Variants in WDR33 observed in about 807,000 individuals in gnomAD.
The protein encoded by WDR33 is WD repeat domain 33, also known as pre-mRNA 3' end processing protein WDR33.
Under a neutral mutation model 164.9 loss-of-function variants are expected in WDR33, and 47 were observed. The observed-to-expected ratio is 0.29, with a 90% CI of 0.23 to 0.36. The LOEUF is 0.36. Among genes scored for constraint, WDR33 ranks in the 10% least tolerant of loss-of-function variants. The pLI is 1.00. For synonymous variants in WDR33, 505 were observed against 589.0 expected (o/e 0.86, Z 2.06); for missense variants, 1,137 against 1,754.1 (o/e 0.65, Z 6.28).
In WDR33 at chr2:127,702,313, C is replaced by G; in HGVS notation, c.*4010G>C. 1.1e-6 allele frequency: 1 copy of G among 932,344 alleles called. No individual in the cohort carries two copies. Among genetic ancestry groups the G allele is most frequent in the Non-Finnish European group, 1.4e-6 (1 of 725,722 alleles). The allele number at this position is 932,344 out of a possible 1,614,324, so 57.8% of individuals were successfully genotyped here. On this transcript the variant is annotated 3_prime_UTR_variant, in exon 22 of 22. Coordinates refer to ENST00000322313, the MANE Select transcript of WDR33 (RefSeq NM_018383.5). The stretch of plus-strand genomic sequence containing the variant: ...TGCCCTAACAGCCTGCGAGTCTAAT[C>G]CGGGAGCGGCTGCTGCCAGCGGAGG...
At chr2:127,781,160 G>A (rs1426259706) in intron 1 of WDR33, among the ~76,000 whole-genome samples, 7 of 152,128 alleles carry the variant, frequency 4.6e-5, no homozygotes, top group East Asian at 1.9e-4. Context: ...CACCATGCCC[G>A]GCCCAATTAA....
chr2:127,720,112 T>C lies in WDR33; in HGVS notation c.1913A>G (p.Gln638Arg). ...PPGPQGQMGPQGPPLHQGGGG... is the reference protein window; with the variant it reads ...PPGPQGQMGPRGPPLHQGGGG... ...ACCTCCCTGATGCAGTGGAGGACCT[T>C]GTGGTCCCATTTGTCCCTGGGGTCC... The change falls in exon 16 of 22, where the codon CAA (glutamine) becomes CGA (arginine). Residue 638 changes from glutamine to arginine, a missense_variant. By Grantham distance (43) the Gln-to-Arg change is conservative. Coordinates refer to ENST00000322313, the MANE Select transcript of WDR33 (RefSeq NM_018383.5). This position sits in a 1 kb window ranked among gnomAD's most constrained non-coding sequence, Gnocchi z 5.9. 6.2e-7 allele frequency: 1 copy of C among 1,614,076 alleles called. No individual in the cohort carries two copies. The highest frequency in any genetic ancestry group is 8.5e-7 in the Non-Finnish European group (1 of 1,179,998).
intron 1 of WDR33, among the ~76,000 whole-genome samples, chr2:127,788,356 C>T (rs1293283482): frequency 6.2e-5 from 7 of 113,710 alleles, no homozygotes; most frequent in Non-Finnish European, 1.1e-4. Flanking sequence ...CTCCTCACTT[C>T]CCAGTAGGGG....
rs1686234855 is a variant in WDR33 at position 127,713,714 on chromosome 2, C to T, written c.3177G>A (p.Arg1059=). Residue 1059 remains arginine, a synonymous_variant, in exon 18 of 22, where the codon AGG becomes AGA. Coordinates refer to ENST00000322313, the MANE Select transcript of WDR33 (RefSeq NM_018383.5). This position sits in a 1 kb window ranked among gnomAD's most constrained non-coding sequence, Gnocchi z 6.2. The part of the protein sequence containing the change: ...GPGPPFPPDH[R]EFSEGDGRGA... Reference sequence around the variant, plus strand: ...CCCGGCCATCCCCCTCGCTGAATTCCCTGTGATCAGGGGGAAACGGAGGCC... The same window carrying T: ...CCCGGCCATCCCCCTCGCTGAATTCTCTGTGATCAGGGGGAAACGGAGGCC... The T allele has an allele frequency of 6.2e-7, 1 of 1,614,234 alleles. No homozygotes were observed. Among genetic ancestry groups the T allele is most frequent in the Non-Finnish European group, 8.5e-7 (1 of 1,180,014 alleles).
chr2:127,807,543 A>T (rs1424210860), intron 1 of WDR33, among the ~76,000 whole-genome samples: 1 of 152,202 alleles, frequency 6.6e-6, no homozygotes, highest in Non-Finnish European at 1.5e-5. Flanking sequence ...TCACACAGAC[A>T]CTAGACTAAC....
At chr2:127,777,207 C>T (rs1688215848) in intron 1 of WDR33, among the ~76,000 whole-genome samples, 1 of 152,160 alleles carries the variant, frequency 6.6e-6, no homozygotes, top group African/African-American at 2.4e-5. Context: ...TATACATAAA[C>T]CTTCAATGTT....
rs1686583850 is a variant in WDR33, at chr2:127,726,879, C to G, written c.725-102G>C. ...TAGTAAATGTTTTGCTCTCAGTGCT[C>G]AGTCAACTTAAAACTTGTTTTGTGA... On this transcript the variant is annotated intron_variant, in intron 7 of 21. Transcript: ENST00000322313. This position sits in a 1 kb window ranked among gnomAD's most constrained non-coding sequence, Gnocchi z 4.8. 6 of 1,473,572 alleles carry G rather than the reference C, an allele frequency of 4.1e-6. No individual in the cohort carries two copies. In the East Asian group the frequency reaches 1.4e-4, roughly 34 times the overall value. 91.3% of individuals were successfully genotyped at this position (1,473,572 alleles called of 1,614,324 possible). A position where few individuals can be genotyped will look rare whatever the true frequency, so the allele number is the denominator to read the frequency against.
Position 127,706,532 on chromosome 2 carries a change from C to A in WDR33, c.3802G>T (p.Ala1268Ser). 2 of 1,610,668 alleles carry A rather than the reference C, an allele frequency of 1.2e-6. No individual in the cohort carries two copies. The highest frequency in any genetic ancestry group is 1.3e-5 in the African/African-American group (1 of 74,876). The change falls in exon 22 of 22, where the codon GCT becomes TCT. Residue 1268 changes from alanine to serine, a missense_variant. Ala to Ser is a moderately conservative substitution (Grantham distance 99). Around this residue, in one of 9 missense-constraint regions of WDR33, gnomAD observed 867 missense variants for 1,073.0 expected, o/e 0.81. Coordinates refer to ENST00000322313, the MANE Select transcript of WDR33 (RefSeq NM_018383.5). The surrounding 1 kb of genome is among the most constrained non-coding windows in gnomAD (Gnocchi z 5.1). Reference sequence around the variant, plus strand: ...CGCCCAGATTTGGGCACTCTCTGAGCAGGTCCTGGGCCCCCTCGGCCTGAA... The same window carrying A: ...CGCCCAGATTTGGGCACTCTCTGAGAAGGTCCTGGGCCCCCTCGGCCTGAA... ...GGKGRGGPGP[A>S]QRVPKSGRSS...
intron 7 of WDR33, among the ~76,000 whole-genome samples, chr2:127,752,172 T>C (rs1687386867): frequency 6.6e-6 from 1 of 152,238 alleles, no homozygotes; most frequent in Non-Finnish European, 1.5e-5. Flanking sequence ...ACCAGAGCTA[T>C]CACTTGTTCA....
rs1686102406 is a variant in WDR33 at position 127,709,539 on chromosome 2, G to T, written c.3516C>A (p.Arg1172=). The T allele has an allele frequency of 1.9e-6, 3 of 1,613,994 alleles. No homozygotes were observed. The highest frequency in any genetic ancestry group is 2.7e-5 in the African/African-American group (2 of 74,922). The change falls in exon 20 of 22, where the codon CGC becomes CGA. Residue 1172 remains arginine (R), a synonymous_variant. Coordinates refer to ENST00000322313, the MANE Select transcript of WDR33 (RefSeq NM_018383.5). This position sits in a 1 kb window ranked among gnomAD's most constrained non-coding sequence, Gnocchi z 5.0. ...AATCTGGCTTCCGCCCTCCTTCAAAGCGAGGGAACTCGTCAGGAGTGGGAA... is the reference window on the plus strand; with the variant it reads ...AATCTGGCTTCCGCCCTCCTTCAAATCGAGGGAACTCGTCAGGAGTGGGAA... ...GLLPTPDEFP[R]FEGGRKPDSW... is the part of the protein sequence containing the mutation.
At chr2:127,757,077 C>CAA (rs11381814) in intron 7 of WDR33, among the ~76,000 whole-genome samples, 1,611 of 85,038 alleles carry the variant, frequency 0.019, 40 homozygotes, top group African/African-American at 0.061. Context: ...AACCTGTCTC[C>CAA]AAAAAAAAAA....
intron 1 of WDR33, among the ~76,000 whole-genome samples, chr2:127,778,622 C>T (rs112099888): frequency 6.6e-6 from 1 of 152,050 alleles, no homozygotes; most frequent in Non-Finnish European, 1.5e-5. Flanking sequence ...GACACTACTA[C>T]GCTGTGTGAG....
chr2:127,791,211 G>T (rs1688835980), intron 1 of WDR33, among the ~76,000 whole-genome samples: 1 of 94,930 alleles, frequency 1.1e-5, no homozygotes, highest in Non-Finnish European at 2.0e-5. Flanking sequence ...CAGGCTGCAA[G>T]ACAGTGGCAC....
chr2:127,778,614 C>T (rs1387217971), intron 1 of WDR33, among the ~76,000 whole-genome samples: 4 of 152,076 alleles, frequency 2.6e-5, no homozygotes, highest in African/African-American at 9.7e-5. Context: ...TACACTGAGA[C>T]ACTACTACGC....
At chr2:127,778,819 C>G (rs1416762191) in intron 1 of WDR33, among the ~76,000 whole-genome samples, 1 of 152,148 alleles carries the variant, frequency 6.6e-6, no homozygotes, top group Non-Finnish European at 1.5e-5. Flanking sequence ...TTTTCCCCAA[C>G]CAAACATAAT....
intron 7 of WDR33, among the ~76,000 whole-genome samples, chr2:127,730,415 C>T (rs1009688521): frequency 1.3e-5 from 2 of 151,288 alleles, no homozygotes; most frequent in African/African-American, 4.9e-5. Context: ...ATATTTAGAT[C>T]CAGAGGAATA....
intron 3 of WDR33, 46 bp downstream of exon 3, chr2:127,768,887 A>C: frequency 6.9e-7 from 1 of 1,452,508 alleles, no homozygotes; most frequent in South Asian, 1.2e-5. Flanking sequence ...AAAATATTCA[A>C]GCAAGGAAGT....
chr2:127,709,777 A>G lies in WDR33; in HGVS notation c.3388T>C (p.Phe1130Leu). 1 of 1,614,140 alleles carries G rather than the reference A, an allele frequency of 6.2e-7. No homozygotes were observed. The highest frequency in any genetic ancestry group is 8.5e-7 in the Non-Finnish European group (1 of 1,180,024). Residue 1130 changes from phenylalanine (F) to leucine (L), a missense_variant, in exon 19 of 22, where the codon TTT (phenylalanine) becomes CTT (leucine). Transcript: ENST00000322313. This position sits in a 1 kb window ranked among gnomAD's most constrained non-coding sequence, Gnocchi z 5.0. ...GCATCAAAATTCTCCTCTGGACCAA[A>G]GTCTTCAGGACCAGGAAAACCATCC... ...GRDGFPGPED[F>L]GPEENFDASE...
Position 127,764,711 on chromosome 2 carries a change from T to G in WDR33, c.626+117A>C. 1 of 1,613,390 alleles carries G rather than the reference T, an allele frequency of 6.2e-7. No homozygotes were observed. On this transcript the variant is annotated intron_variant, in intron 6 of 21. Transcript: ENST00000322313. The surrounding 1 kb of genome is among the most constrained non-coding windows in gnomAD (Gnocchi z 6.2). Reference sequence around the variant, plus strand: ...AAAGAAAAATATTGTGTTTATAGGGTGCAGAAAGTTTCCCAGAAACTGACA... The same window carrying G: ...AAAGAAAAATATTGTGTTTATAGGGGGCAGAAAGTTTCCCAGAAACTGACA...
Sources: allele counts gnomAD v4.1 joint callset (sites outside exome capture counted in the v4.1 genomes callset), GRCh38; gene constraint gnomAD v4.1.1; regional missense constraint gnomAD v4.1.1; non-coding constraint Gnocchi (gnomAD v3.1); transcripts MANE v1.5; gene names NCBI Gene and HGNC (gene_info 2026-07-23, HGNC 2026-07-21).